Variants in COA6 observed in about 807,000 individuals in gnomAD.
The protein encoded by COA6 is cytochrome c oxidase assembly factor 6 homolog.
Under a neutral mutation model 17.1 loss-of-function variants are expected in COA6, and 12 were observed. The observed-to-expected ratio is 0.70, with a 90% CI of 0.45 to 1.14. The LOEUF (loss-of-function observed/expected upper bound fraction) is 1.14, where lower values mean the gene tolerates loss of function less well. Among genes scored for constraint, COA6 ranks in the 50% most tolerant of loss-of-function variants. The pLI, the probability that COA6 is intolerant of heterozygous loss-of-function variation, is 0.00. For missense variants in COA6, 246 were observed against 196.5 expected (o/e 1.25, Z -1.51); for synonymous variants, 90 against 73.4 (o/e 1.23, Z -1.16).
At chr1:234,374,191 A>G (rs1197426254) in intron 1 of COA6, 39 bp from the exon 2 acceptor site, 9 of 1,573,290 alleles carry the variant, frequency 5.7e-6, no homozygotes, top group Non-Finnish European at 7.8e-6. Context: ...TCAGATTACA[A>G]AGTTCATTGT....
chr1:234,373,872 G>GCTGGC, intron 1 of COA6, 194 bp downstream of exon 1: 22 of 1,602,598 alleles, frequency 1.4e-5, no homozygotes, highest in Non-Finnish European at 1.9e-5. Context: ...ACTAGGCACT[G>GCTGGC]CTGTCCCCGC....
chr1:234,380,405 G>A (rs1658939037), intron 2 of COA6, among the ~76,000 whole-genome samples: 1 of 152,166 alleles, frequency 6.6e-6, no homozygotes, highest in African/African-American at 2.4e-5. Context: ...AGGAACTAAG[G>A]TTCAGAAAGG....
At chr1:234,381,491 G>T (rs1354975890) in intron 2 of COA6, among the ~76,000 whole-genome samples, 1 of 152,222 alleles carries the variant, frequency 6.6e-6, no homozygotes, top group South Asian at 2.1e-4. Context: ...ATGGACAGGG[G>T]CGCAGGGATG....
At position 234,373,516 on chromosome 1, in the gene COA6, G is replaced by C. The variant is rs1408884421; in HGVS notation, c.50G>C (p.Cys17Ser). 3.1e-6 allele frequency: 5 copies of C among 1,608,246 alleles called. No individual in the cohort carries two copies. Among genetic ancestry groups the C allele is most frequent in the Middle Eastern group, 1.7e-4 (1 of 6,044 alleles). ...AGTCCGCGGTTTCGCCGCGTGAGTT[G>C]CTTTTTGCGGCTGGGGAGGTCTACG... ...QKSPRFRRVS[C>S]FLRLGRSTLL... The change falls in exon 1 of 3, where the codon TGC (cysteine) becomes TCC (serine). Residue 17 changes from cysteine to serine, a missense_variant. Physicochemically the swap from Cys to Ser is moderately radical, Grantham distance 112. Transcript: ENST00000366615.
chr1:234,378,352 T>C (rs1658869466), intron 2 of COA6, among the ~76,000 whole-genome samples: 2 of 152,204 alleles, frequency 1.3e-5, no homozygotes, highest in Non-Finnish European at 2.9e-5. Flanking sequence ...TCATGTAGCA[T>C]ACATTCTAGT....
At chr1:234,383,009 G>GA (rs1659017388) in intron 2 of COA6, among the ~76,000 whole-genome samples, 5 of 70,032 alleles carry the variant, frequency 7.1e-5, no homozygotes, top group African/African-American at 4.0e-4. Flanking sequence ...TCTCTGTCAA[G>GA]AAAGAAAGAG....
intron 2 of COA6, among the ~76,000 whole-genome samples, chr1:234,382,279 T>C (rs1206219387): frequency 6.6e-6 from 1 of 152,218 alleles, no homozygotes; most frequent in African/African-American, 2.4e-5. Flanking sequence ...AGAAATGTTA[T>C]TTGACATCCT....
chr1:234,374,311 T>C lies in COA6; in HGVS notation c.294T>C (p.Cys98=), dbSNP rs772774079. ...CWGARDEYWK[C]LDENLEDASQ... ...GGGCCCGGGATGAGTACTGGAAGTG[T>C]TTAGATGAGAACTTAGAGGATGCTT... The change falls in exon 2 of 3, where the codon TGT becomes TGC. Residue 98 remains cysteine, a synonymous_variant. Transcript: ENST00000366615. 6.2e-7 allele frequency: 1 copy of C among 1,613,898 alleles called. No homozygotes were observed. The highest frequency in any genetic ancestry group is 8.5e-7 in the Non-Finnish European group (1 of 1,179,966).
At chr1:234,382,247 A>AT (rs1572174441) in intron 2 of COA6, among the ~76,000 whole-genome samples, 2 of 152,214 alleles carry the variant, frequency 1.3e-5, no homozygotes, top group East Asian at 3.8e-4. Flanking sequence ...AAGTTAAAAG[A>AT]TTGAGTGTCA....
At chr1:234,376,214 C>T (rs1351677310) in intron 2 of COA6, among the ~76,000 whole-genome samples, 7 of 152,186 alleles carry the variant, frequency 4.6e-5, no homozygotes, top group Non-Finnish European at 1.0e-4. Context: ...TCTCTCTCCT[C>T]CTGCAACCCA....
rs757079017 is a variant in COA6 at position 234,373,630 on chromosome 1, T to A, written c.164T>A (p.Val55Asp). ...CGCCGGTTGGTGGCCTGCGTGACAG[T>A]TTCCTCCCGTCGACATCGAAAGGAA... The part of the protein sequence containing the change: ...LHRRLVACVT[V>D]SSRRHRKEAG... The change falls in exon 1 of 3, where the codon GTT (valine) becomes GAT (aspartate). Residue 55 changes from valine to aspartate, a missense_variant. By Grantham distance (152) the Val-to-Asp change is radical (BLOSUM62 -3). Transcript: ENST00000366615. The A allele has an allele frequency of 8.7e-6, 14 of 1,613,196 alleles. No homozygotes were observed. The highest frequency in any genetic ancestry group is 1.3e-5 in the African/African-American group (1 of 75,028).
Position 234,380,100 on chromosome 1 carries a change from C to T in COA6, c.373-3623C>T, listed in dbSNP as rs145288631. ...ACCCATTTTCTTCTGCACCACTGTT[C>T]TTTCTTAGTTCATAACTGAGTTATT... On this transcript the variant is annotated intron_variant, in intron 2 of 2. Coordinates refer to ENST00000366615, the MANE Select transcript of COA6 (RefSeq NM_001206641.3). 3.0e-3 allele frequency among the ~76,000 whole-genome samples: 461 copies of T among 152,324 alleles called. 3 individuals carry two copies. Among genetic ancestry groups the T allele is most frequent in the African/African-American group, 0.01 (424 of 41,584 alleles).
At chr1:234,381,602 A>G (rs1444870695) in intron 2 of COA6, among the ~76,000 whole-genome samples, 1 of 152,244 alleles carries the variant, frequency 6.6e-6, no homozygotes, top group Non-Finnish European at 1.5e-5. Context: ...TTTGGGTTTC[A>G]GAAAGATTAT....
chr1:234,373,966 T>TA, intron 1 of COA6: 1 of 1,226,812 alleles, frequency 8.2e-7, no homozygotes, highest in Non-Finnish European at 1.1e-6. Context: ...AGCCGGGCTT[T>TA]CTGAGCCCAC....
At chr1:234,380,133 CT>C in intron 2 of COA6, among the ~76,000 whole-genome samples, 1 of 152,318 alleles carries the variant, frequency 6.6e-6, no homozygotes, top group Middle Eastern at 3.4e-3. Flanking sequence ...ATTTCTCAGC[CT>C]GCCCTTCACT....
intron 2 of COA6, among the ~76,000 whole-genome samples, chr1:234,375,536 T>C (rs931325323): frequency 3.9e-5 from 6 of 152,188 alleles, no homozygotes; most frequent in Admixed American, 3.9e-4. Context: ...TTTTGCCCTC[T>C]CATACCTCAA....
rs1373938091 is a variant in COA6 at position 234,384,465 on chromosome 1, C to G, written c.*647C>G. Among the ~76,000 whole-genome samples, 1 of 152,034 alleles carries G rather than the reference C, an allele frequency of 6.6e-6. No homozygotes were observed. The highest frequency in any genetic ancestry group is 2.4e-5 in the African/African-American group (1 of 41,388). ...AAAAAGAGCTCCTAGAACTATAAGTCAATCATAGAAAGGTTGCAGGAAACA... is the reference window on the plus strand; with the variant it reads ...AAAAAGAGCTCCTAGAACTATAAGTGAATCATAGAAAGGTTGCAGGAAACA... On this transcript the variant is annotated 3_prime_UTR_variant, in exon 3 of 3. Transcript: ENST00000366615.
intron 2 of COA6, among the ~76,000 whole-genome samples, chr1:234,383,015 AAGAG>A (rs3041202): frequency 3.1e-5 from 2 of 64,416 alleles, no homozygotes; most frequent in African/African-American, 9.0e-5. Context: ...TCAAGAAAGA[AAGAG>A]AGAGAGAGAG....
Position 234,374,294 on chromosome 1 carries a change from G to T in COA6, c.277G>T (p.Asp93Tyr). The T allele has an allele frequency of 6.2e-7, 1 of 1,614,072 alleles. No individual in the cohort carries two copies. ...KERQVCWGAR[D>Y]EYWKCLDENL... ...AAGACAGGTCTGCTGGGGGGCCCGG[G>T]ATGAGTACTGGAAGTGTTTAGATGA... Residue 93 changes from aspartate (D) to tyrosine (Y), a missense_variant, in exon 2 of 3, where the codon GAT becomes TAT. Coordinates refer to ENST00000366615, the MANE Select transcript of COA6 (RefSeq NM_001206641.3).
Sources: gnomAD v4.1 joint callset for allele counts (sites outside exome capture counted in the v4.1 genomes callset) on GRCh38, gnomAD v4.1.1 for gene constraint, MANE v1.5 for transcripts, NCBI Gene and HGNC (gene_info 2026-07-23, HGNC 2026-07-21) for gene names.